The following PCED1B variants were observed in gnomAD, a reference collection of about 807,000 sequenced individuals.
PCED1B encodes the protein PC-esterase domain containing 1B, also known as PC-esterase domain-containing protein 1B.
For synonymous variants in PCED1B, 251 were observed against 246.1 expected, an observed-to-expected ratio of 1.02 and a Z score of -0.19; for missense variants, 573 against 573.9, an observed-to-expected ratio of 1.00 and a Z score of 0.02.
chr12:47,167,315 A>G (rs1941575708), intron 2 of PCED1B, among the ~76,000 whole-genome samples: 1 of 152,058 alleles, frequency 6.6e-6, no homozygotes, highest in African/African-American at 2.4e-5. Flanking sequence ...GACAAATTCC[A>G]TATCTGTTGG....
intron 2 of PCED1B, among the ~76,000 whole-genome samples, chr12:47,204,809 G>A (rs765583449): frequency 2.0e-5 from 3 of 152,050 alleles, no homozygotes; most frequent in Non-Finnish European, 4.4e-5. Flanking sequence ...TTCTAATTTA[G>A]CAATAAATAC....
chr12:47,149,719 G>T (rs528992229), intron 2 of PCED1B, among the ~76,000 whole-genome samples: 2 of 152,212 alleles, frequency 1.3e-5, no homozygotes, highest in East Asian at 3.9e-4. Context: ...GGAGAATTTA[G>T]GAGAAAACAT....
At chr12:47,098,534 G>A (rs1428621055) in intron 1 of PCED1B, among the ~76,000 whole-genome samples, 1 of 152,160 alleles carries the variant, frequency 6.6e-6, no homozygotes, top group African/African-American at 2.4e-5. Context: ...CCAGGCTGGA[G>A]TGCAGTGGCA....
chr12:47,143,779 A>T (rs964665223), intron 2 of PCED1B, among the ~76,000 whole-genome samples: 1 of 116,586 alleles, frequency 8.6e-6, no homozygotes, highest in African/African-American at 2.9e-5. Context: ...AACAATCTTG[A>T]ACAGGAAGAA....
chr12:47,117,577 T>A (rs1427199643), intron 2 of PCED1B, among the ~76,000 whole-genome samples: 1 of 152,220 alleles, frequency 6.6e-6, no homozygotes, highest in Non-Finnish European at 1.5e-5. Context: ...TGTGCCACAT[T>A]TTCTTAATCC....
chr12:47,209,851 A>T (rs1410155519), intron 2 of PCED1B: 1 of 152,248 alleles, frequency 6.6e-6, no homozygotes, highest in African/African-American at 2.4e-5. Context: ...AAAGAGCAAG[A>T]CTGTAGTTTA....
At chr12:47,175,500 T>C (rs1219101021) in intron 2 of PCED1B, among the ~76,000 whole-genome samples, 1 of 152,198 alleles carries the variant, frequency 6.6e-6, no homozygotes, top group East Asian at 1.9e-4. Context: ...AAATTTCTAG[T>C]ATACAGAAAT....
rs796455547 is a variant in PCED1B, at chr12:47,185,549, A to G, written c.-525-30673A>G. On this transcript the variant is annotated intron_variant, in intron 2 of 3. Coordinates refer to ENST00000546455, the MANE Select transcript of PCED1B (RefSeq NM_138371.3). ...CACACCTGTAATCCCAGCACTTTGG[A>G]AGGCTGACGGGGGTGGATCACTTAA... 4.7e-4 allele frequency among the ~76,000 whole-genome samples: 71 copies of G among 151,608 alleles called. 1 individual carries two copies. Among genetic ancestry groups the G allele is most frequent in the African/African-American group, 1.7e-3 (71 of 41,330 alleles).
intron 2 of PCED1B, among the ~76,000 whole-genome samples, chr12:47,108,099 G>C (rs1939035946): frequency 6.6e-6 from 1 of 152,148 alleles, no homozygotes. Context: ...CTGGTGGGAA[G>C]CCTCCTATCC....
At chr12:47,083,834 G>A (rs1937855083) in intron 1 of PCED1B, among the ~76,000 whole-genome samples, 1 of 152,080 alleles carries the variant, frequency 6.6e-6, no homozygotes, top group Admixed American at 6.5e-5. Context: ...AGCTCACAAT[G>A]GGGCTACTCT....
intron 2 of PCED1B, among the ~76,000 whole-genome samples, chr12:47,202,594 T>TAAAAAAAAAAAAAAAAAAAA (rs60769675): frequency 9.0e-5 from 6 of 66,682 alleles, no homozygotes; most frequent in East Asian, 3.3e-4. Context: ...TAGACATTAG[T>TAAAAAAAAAAAAAAAAAAAA]AAAAAAAAAA....
chr12:47,171,065 CTTTTTTTTTTT>C (rs71437788), intron 2 of PCED1B, among the ~76,000 whole-genome samples: 4 of 121,346 alleles, frequency 3.3e-5, no homozygotes, highest in African/African-American at 6.1e-5. Context: ...GCCAGGTTAC[CTTTTTTTTTTT>C]TTTTTTTTGA....
At chr12:47,087,105 C>T (rs1352740145) in intron 1 of PCED1B, among the ~76,000 whole-genome samples, 1 of 152,184 alleles carries the variant, frequency 6.6e-6, no homozygotes, top group African/African-American at 2.4e-5. Context: ...GTGGCTGCTC[C>T]ATGGGTAATT....
At chr12:47,194,986 G>C (rs1418935045) in intron 2 of PCED1B, among the ~76,000 whole-genome samples, 1 of 152,100 alleles carries the variant, frequency 6.6e-6, no homozygotes, top group African/African-American at 2.4e-5. Flanking sequence ...TCTTGTATGA[G>C]AGGGGGGAAG....
At chr12:47,205,465 C>T (rs1348426640) in intron 2 of PCED1B, among the ~76,000 whole-genome samples, 2 of 152,102 alleles carry the variant, frequency 1.3e-5, no homozygotes, top group Admixed American at 1.3e-4. Context: ...ACAGTGTAGT[C>T]TTCAGGTAGG....
At chr12:47,187,610 A>C (rs908650581) in intron 2 of PCED1B, among the ~76,000 whole-genome samples, 7 of 152,176 alleles carry the variant, frequency 4.6e-5, no homozygotes, top group Non-Finnish European at 8.8e-5. Flanking sequence ...TTCATAGCTA[A>C]AATTAGAACT....
chr12:47,149,444 G>A (rs1306479043), intron 2 of PCED1B, among the ~76,000 whole-genome samples: 1 of 151,780 alleles, frequency 6.6e-6, no homozygotes, highest in Non-Finnish European at 1.5e-5. Context: ...GCCTCTCCCT[G>A]TTAAGTGATT....
intron 2 of PCED1B, among the ~76,000 whole-genome samples, chr12:47,134,660 C>T (rs190958662): frequency 3.5e-4 from 54 of 152,218 alleles, no homozygotes; most frequent in Non-Finnish European, 7.1e-4. Context: ...ACGAGGTCAA[C>T]AGATCGAGAC....
chr12:47,155,156 G>C (rs1941151569), intron 2 of PCED1B, among the ~76,000 whole-genome samples: 1 of 152,178 alleles, frequency 6.6e-6, no homozygotes, highest in African/African-American at 2.4e-5. Flanking sequence ...TTTTCTGTCA[G>C]AGATTTATTG....
Sources: gnomAD v4.1 joint callset for allele counts (sites outside exome capture counted in the v4.1 genomes callset) on GRCh38, gnomAD v4.1.1 for gene constraint, MANE v1.5 for transcripts, NCBI Gene and HGNC (gene_info 2026-07-23, HGNC 2026-07-21) for gene names.